ZBTB16: variants seen among roughly 807,000 people sequenced by gnomAD.
The protein encoded by ZBTB16 is zinc finger and BTB domain containing 16.
Under a neutral mutation model 56.8 loss-of-function variants are expected in ZBTB16, and 8 were observed. The observed-to-expected ratio is 0.14, with a 90% CI of 0.08 to 0.25. The LOEUF (loss-of-function observed/expected upper bound fraction) is 0.25. ZBTB16 is among the 10% of genes least tolerant of loss of function. The pLI is 1.00. For missense variants in ZBTB16, 625 were observed against 903.0 expected (o/e 0.69, Z 3.95); for synonymous variants, 363 against 368.5 (o/e 0.98, Z 0.17).
chr11:114,126,668 T>C (rs1432050053), intron 2 of ZBTB16, among the ~76,000 whole-genome samples: 1 of 152,178 alleles, frequency 6.6e-6, no homozygotes, highest in Non-Finnish European at 1.5e-5. Flanking sequence ...GACATTACTG[T>C]CTCTTGAGCG....
intron 2 of ZBTB16, among the ~76,000 whole-genome samples, chr11:114,125,982 A>T (rs1941497687): frequency 6.6e-6 from 1 of 152,108 alleles, no homozygotes; most frequent in South Asian, 2.1e-4. Context: ...CAACTCTTGG[A>T]GTGATGTGTC....
chr11:114,108,890 A>G (rs984663879), intron 2 of ZBTB16, among the ~76,000 whole-genome samples: 3 of 152,180 alleles, frequency 2.0e-5, no homozygotes, highest in Non-Finnish European at 4.4e-5. Flanking sequence ...CTTTGTGGCT[A>G]TTGGGACAGG....
intron 2 of ZBTB16, among the ~76,000 whole-genome samples, chr11:114,067,368 G>A (rs373069123): frequency 1.2e-4 from 18 of 152,146 alleles, no homozygotes; most frequent in Admixed American, 2.0e-4. Flanking sequence ...GGAATCCTCC[G>A]TGTCACATGT....
chr11:114,198,645 A>G (rs1943659805), intron 4 of ZBTB16, among the ~76,000 whole-genome samples: 1 of 152,120 alleles, frequency 6.6e-6, no homozygotes, highest in South Asian at 2.1e-4. Context: ...TAGAGTTCCC[A>G]CTGTACCCCC....
intron 2 of ZBTB16, among the ~76,000 whole-genome samples, chr11:114,121,412 A>G (rs1459577768): frequency 6.6e-6 from 1 of 152,162 alleles, no homozygotes; most frequent in African/African-American, 2.4e-5. Flanking sequence ...GGCTGCCAGT[A>G]AGGTGGGGAG....
At chr11:114,180,084 T>A in intron 3 of ZBTB16, among the ~76,000 whole-genome samples, 1 of 152,206 alleles carries the variant, frequency 6.6e-6, no homozygotes, top group Non-Finnish European at 1.5e-5. Flanking sequence ...CAGTCCCGCC[T>A]CTGGCATGTG....
intron 4 of ZBTB16, among the ~76,000 whole-genome samples, chr11:114,238,022 G>A (rs1416948912): frequency 6.6e-6 from 1 of 152,174 alleles, no homozygotes; most frequent in Non-Finnish European, 1.5e-5. Flanking sequence ...GGACATCATA[G>A]TGTTTCCTTT....
At chr11:114,136,758 T>C (rs531345934) in intron 2 of ZBTB16, among the ~76,000 whole-genome samples, 1 of 152,266 alleles carries the variant, frequency 6.6e-6, no homozygotes, top group East Asian at 1.9e-4. Context: ...AGAATATTTC[T>C]ACTGAGGATG....
chr11:114,198,429 A>G (rs1443154185), intron 4 of ZBTB16, among the ~76,000 whole-genome samples: 1 of 152,010 alleles, frequency 6.6e-6, no homozygotes, highest in East Asian at 1.9e-4. Flanking sequence ...GCTGTGCTGG[A>G]GCTGCTTGCT....
chr11:114,144,177 GACACACACACACACAC>G (rs56679355), intron 2 of ZBTB16, among the ~76,000 whole-genome samples: 4 of 144,966 alleles, frequency 2.8e-5, no homozygotes, highest in African/African-American at 7.6e-5. Context: ...GTGTTTGCCA[GACACACACACACACAC>G]ACACACACAC....
rs1192008821 is a variant in ZBTB16 at position 114,133,965 on chromosome 11, CT to C, written c.1269-22371del. 2.0e-5 allele frequency among the ~76,000 whole-genome samples: 3 copies of C among 152,302 alleles called. No homozygotes were observed. The East Asian group carries it at 5.8e-4, about 29-fold the overall frequency. ...CTCCCATGGAGGTGGGCTCAGTGGCCTCGTCTTTTTACCAGTACCCAAAAAG... is the reference window on the plus strand; with the variant it reads ...CTCCCATGGAGGTGGGCTCAGTGGCCCGTCTTTTTACCAGTACCCAAAAAG... On this transcript the variant is annotated intron_variant, in intron 2 of 6. Transcript: ENST00000335953.
intron 4 of ZBTB16, 21 bp downstream of exon 4, chr11:114,187,059 G>C (rs748185557): frequency 6.2e-7 from 1 of 1,612,018 alleles, no homozygotes; most frequent in Admixed American, 1.7e-5. Flanking sequence ...TTGGATTCCT[G>C]TTCTCCAGGT....
chr11:114,231,443 A>G (rs595168), intron 4 of ZBTB16, among the ~76,000 whole-genome samples: 46,468 of 152,078 alleles, frequency 0.31, 7,887 homozygotes, highest in East Asian at 0.4. Context: ...GAGAGGCTTC[A>G]GGTACTCTCA....
At chr11:114,161,924 C>G (rs1942600880) in intron 3 of ZBTB16, among the ~76,000 whole-genome samples, 1 of 152,166 alleles carries the variant, frequency 6.6e-6, no homozygotes, top group South Asian at 2.1e-4. Context: ...AGGCCTGTGC[C>G]TTCTGTGCTG....
rs1441522455 is a variant in ZBTB16, at chr11:114,252,960, T to C, written c.*2405T>C. On this transcript the variant is annotated 3_prime_UTR_variant, in exon 7 of 7. Coordinates refer to ENST00000335953, the MANE Select transcript of ZBTB16 (RefSeq NM_006006.6). ...TGCAACTATAGTAACGACTTAGTGT[T>C]TTGGAAAGGAAAAGAAGTTAAACTT... Among the ~76,000 whole-genome samples the C allele has an allele frequency of 2.6e-5, 4 of 152,170 alleles. No homozygotes were observed. The highest frequency in any genetic ancestry group is 2.6e-4 in the Admixed American group (4 of 15,272).
rs238917 is a variant in ZBTB16, at chr11:114,108,345, C to A, written c.1268+43777C>A. ...GCATCTAGAGAATCCCTTTTCAGGT[C>A]TTTTTCCTTTCTAAAAGGCTCAGTG... On this transcript the variant is annotated intron_variant, in intron 2 of 6. Transcript: ENST00000335953. Among the ~76,000 whole-genome samples the A allele has an allele frequency of 8.8e-3, 1,345 of 152,274 alleles. 26 individuals are homozygous for A. The highest frequency in any genetic ancestry group is 0.03 in the African/African-American group (1,256 of 41,546).
rs34864436 is a variant in ZBTB16, at chr11:114,233,125, A to ACTCT, written c.1454-9032_1454-9029dup. Among the ~76,000 whole-genome samples the ACTCT allele has an allele frequency of 3.7e-4, 20 of 54,766 alleles. 1 individual carries two copies. Among genetic ancestry groups the ACTCT allele is most frequent in the African/African-American group, 7.7e-4 (15 of 19,460 alleles). 35.9% of individuals were successfully genotyped at this position (54,766 alleles called of 152,430 possible). A position where few individuals can be genotyped will look rare whatever the true frequency, so the allele number is the denominator to read the frequency against. On this transcript the variant is annotated intron_variant, in intron 4 of 6. Transcript: ENST00000335953. ...CACACACACACACACACACACACAC[A>ACTCT]CTCTCTCTCTCTCACACTCCCTTTC...
chr11:114,153,732 A>G (rs911616878), intron 2 of ZBTB16, among the ~76,000 whole-genome samples: 6 of 152,226 alleles, frequency 3.9e-5, no homozygotes, highest in African/African-American at 1.4e-4. Context: ...AGGGAGAATA[A>G]TAGTGCCCCT....
At chr11:114,124,280 T>C (rs1417911254) in intron 2 of ZBTB16, among the ~76,000 whole-genome samples, 1 of 152,052 alleles carries the variant, frequency 6.6e-6, no homozygotes, top group African/African-American at 2.4e-5. Context: ...CCAGGGGTTA[T>C]TAGAAGAAGA....
Sources: allele counts gnomAD v4.1 joint callset (sites outside exome capture counted in the v4.1 genomes callset), GRCh38; gene constraint gnomAD v4.1.1; transcripts MANE v1.5; gene names NCBI Gene and HGNC (gene_info 2026-07-23, HGNC 2026-07-21).